The following MX2 variants were observed in gnomAD, a reference collection of about 807,000 sequenced individuals.
MX2 encodes MX dynamin like GTPase 2, also known as interferon-induced GTP-binding protein Mx2.
Under a neutral mutation model 74.0 loss-of-function variants are expected in MX2, and 51 were observed. The observed-to-expected ratio is 0.69, with a 90% confidence interval of 0.55 to 0.87. MX2 has a LOEUF of 0.87. Among genes scored for constraint, MX2 ranks in the 40% least tolerant of loss-of-function variants. MX2 has a pLI of 0.00. For missense variants in MX2, 832 were observed against 908.7 expected (o/e 0.92, Z 1.09); for synonymous variants, 369 against 339.3 (o/e 1.09, Z -0.96).
intron 4 of MX2, among the ~76,000 whole-genome samples, chr21:41,382,039 G>C (rs146908898): frequency 1.8e-4 from 28 of 152,312 alleles, no homozygotes; most frequent in African/African-American, 5.5e-4. Flanking sequence ...CCAGCCAATA[G>C]ACTGGGTGCT....
chr21:41,376,635 C>T (rs2089406130), intron 1 of MX2, among the ~76,000 whole-genome samples: 2 of 152,302 alleles, frequency 1.3e-5, no homozygotes, highest in South Asian at 2.1e-4. Flanking sequence ...TCCCCAAGCC[C>T]GGGCCGGTAG....
intron 1 of MX2, among the ~76,000 whole-genome samples, chr21:41,370,854 T>C (rs1456866204): frequency 6.6e-6 from 1 of 152,184 alleles, no homozygotes; most frequent in Non-Finnish European, 1.5e-5. Context: ...AATTATGTGT[T>C]GGAATTATGT....
At chr21:41,391,712 A>G (rs150783041) in intron 6 of MX2, among the ~76,000 whole-genome samples, 1 of 152,260 alleles carries the variant, frequency 6.6e-6, no homozygotes, top group East Asian at 1.9e-4. Flanking sequence ...CAGTCAATCA[A>G]TAGTCATGGG....
chr21:41,374,953 C>T (rs1438121085), intron 1 of MX2, among the ~76,000 whole-genome samples: 2 of 152,222 alleles, frequency 1.3e-5, no homozygotes, highest in African/African-American at 2.4e-5. Flanking sequence ...AATGCAAGAC[C>T]TCTGCCCACA....
chr21:41,378,087 G>A (rs1456010977), intron 3 of MX2, 106 bp downstream of exon 3: 3 of 1,372,430 alleles, frequency 2.2e-6, no homozygotes, highest in Non-Finnish European at 3.0e-6. Context: ...CTGGGTGAGA[G>A]AGCTGGGAAA....
chr21:41,395,328 C>G (rs1300065430), intron 6 of MX2, among the ~76,000 whole-genome samples: 1 of 152,176 alleles, frequency 6.6e-6, no homozygotes, highest in African/African-American at 2.4e-5. Context: ...TAGTGCTGGG[C>G]ACCCAGTAGG....
intron 12 of MX2, chr21:41,404,682 A>G (rs1484786559): frequency 6.6e-6 from 1 of 152,162 alleles, no homozygotes; most frequent in Non-Finnish European, 1.5e-5. Flanking sequence ...TGTGAAAAGA[A>G]AGGCGTGGAG....
At chr21:41,390,955 G>A (rs999863443) in intron 6 of MX2, among the ~76,000 whole-genome samples, 4 of 150,998 alleles carry the variant, frequency 2.6e-5, no homozygotes, top group African/African-American at 9.8e-5. Context: ...GCAGTGAGCC[G>A]AGATCATGCC....
At chr21:41,405,667 A>AC (rs964171509) in intron 12 of MX2, among the ~76,000 whole-genome samples, 11 of 128,690 alleles carry the variant, frequency 8.5e-5, no homozygotes, top group Non-Finnish European at 1.8e-4. Context: ...TGACCCTGTG[A>AC]CCCCCCTTCT....
rs202185026 is a variant in MX2 at position 41,377,819 on chromosome 21, G to A, written c.280G>A (p.Glu94Lys). The A allele has an allele frequency of 1.6e-5, 26 of 1,613,776 alleles. No homozygotes were observed. In the East Asian group the frequency reaches 2.2e-4, roughly 14 times the overall value. ...CGAGAACAACCTGTACAGCCAGTAC[G>A]AGCAGAAGGTGCGCCCCTGCATTGA... ...GPENNLYSQY[E>K]QKVRPCIDLI... The change falls in exon 3 of 14, where the codon GAG becomes AAG. Residue 94 changes from glutamate to lysine, a missense_variant. Glu to Lys is a moderately conservative substitution (Grantham distance 56). Coordinates refer to ENST00000330714, the MANE Select transcript of MX2 (RefSeq NM_002463.2).
intron 7 of MX2, 43 bp from the exon 8 acceptor site, chr21:41,397,570 A>G (rs1030333249): frequency 2.4e-5 from 37 of 1,569,218 alleles, no homozygotes; most frequent in Non-Finnish European, 3.2e-5. Context: ...GCAAGATGGT[A>G]CACAAGTCCT....
chr21:41,390,743 A>C (rs746307950), intron 6 of MX2, 40 bp downstream of exon 6: 19 of 1,607,168 alleles, frequency 1.2e-5, no homozygotes, highest in East Asian at 9.0e-5. Context: ...CGGTGGCTCA[A>C]GCCTGTAATC....
Position 41,376,778 on chromosome 21 carries a change from C to T in MX2, c.-71-58C>T, listed in dbSNP as rs935233360. The T allele has an allele frequency of 2.8e-6, 4 of 1,421,536 alleles. No homozygotes were observed. The South Asian group carries it at 5.3e-5, about 19-fold the overall frequency. 88.1% of individuals were successfully genotyped at this position (1,421,536 alleles called of 1,614,324 possible). On this transcript the variant is annotated intron_variant, in intron 1 of 13. Coordinates refer to ENST00000330714, the MANE Select transcript of MX2 (RefSeq NM_002463.2). ...GGTGAGGAGGGGTTGGCAAAAGTGC[C>T]AACTCAGGGAGGACTTCTGGTGACC...
chr21:41,381,600 G>A (rs573603047), intron 4 of MX2, among the ~76,000 whole-genome samples: 1 of 149,884 alleles, frequency 6.7e-6, no homozygotes, highest in Non-Finnish European at 1.5e-5. Flanking sequence ...CAGGAGAATG[G>A]CATGAACCCG....
At chr21:41,407,849 A>T in intron 13 of MX2, 142 bp from the exon 14 acceptor site, 1 of 1,028,236 alleles carries the variant, frequency 9.7e-7, no homozygotes, top group Non-Finnish European at 1.4e-6. Flanking sequence ...CTTGATGCTG[A>T]CCACCGGAGT....
chr21:41,389,697 G>A (rs1263878796), intron 5 of MX2: 2 of 152,030 alleles, frequency 1.3e-5, no homozygotes, highest in Non-Finnish European at 2.9e-5. Flanking sequence ...TTGTCAGCTC[G>A]GGCTAATGGG....
intron 1 of MX2, chr21:41,364,978 A>C (rs1034100716): frequency 6.6e-6 from 1 of 152,200 alleles, no homozygotes; most frequent in African/African-American, 2.4e-5. Context: ...AACACCTCAC[A>C]GACACACCCA....
chr21:41,385,062 T>A (rs1237706255), intron 5 of MX2, among the ~76,000 whole-genome samples: 2 of 152,166 alleles, frequency 1.3e-5, no homozygotes, highest in African/African-American at 4.8e-5. Flanking sequence ...TGAGTGTGTG[T>A]CTCCTTACCT....
chr21:41,389,059 G>A (rs1208413320), intron 5 of MX2, among the ~76,000 whole-genome samples: 4 of 152,136 alleles, frequency 2.6e-5, no homozygotes, highest in African/African-American at 9.7e-5. Flanking sequence ...GACATCAGCA[G>A]GACAGCCCCA....
Sources: gnomAD v4.1 joint callset for allele counts (sites outside exome capture counted in the v4.1 genomes callset) on GRCh38, gnomAD v4.1.1 for gene constraint, MANE v1.5 for transcripts, NCBI Gene and HGNC (gene_info 2026-07-23, HGNC 2026-07-21) for gene names.